The following HDAC8 variants were observed in gnomAD, a reference collection of about 807,000 sequenced individuals.
The protein encoded by HDAC8 is histone deacetylase 8.
A neutral mutation model predicts 32.2 loss-of-function variants in HDAC8; 1 was observed. That is an observed-to-expected ratio of 0.03 (90% CI 0.01 to 0.15). The LOEUF (loss-of-function observed/expected upper bound fraction) is 0.15. Among genes scored for constraint, HDAC8 ranks in the 10% least tolerant of loss-of-function variants. The pLI is 1.00. For synonymous variants in HDAC8, 108 were observed against 113.9 expected, an observed-to-expected ratio of 0.95 and a Z score of 0.33; for missense variants, 117 against 300.0, an observed-to-expected ratio of 0.39 and a Z score of 4.51.
chrX:72,554,517 GGCGGGGAGC>G (rs201516139), intron 4 of HDAC8, among the ~76,000 whole-genome samples: 2 of 73,072 alleles, frequency 2.7e-5, no homozygotes, highest in African/African-American at 1.2e-4. Context: ...GGGCGGGGAG[GGCGGGGAGC>G]GCGGGGAGCG....
At chrX:72,441,485 T>G (rs2047144037) in intron 9 of HDAC8, among the ~76,000 whole-genome samples, 1 of 111,949 alleles carries the variant, frequency 8.9e-6, no homozygotes. Flanking sequence ...TCCTGTCTGT[T>G]AGGAGGAAAA....
intron 4 of HDAC8, chrX:72,567,559 C>G: frequency 2.3e-6 from 1 of 444,047 alleles, no homozygotes; most frequent in Non-Finnish European, 3.9e-6. Context: ...TCTAGAAAGC[C>G]GAAAAGGAAT....
intron 1 of HDAC8, 53 bp downstream of exon 1, chrX:72,572,598 C>G: frequency 1.2e-5 from 7 of 583,647 alleles, no homozygotes; most frequent in South Asian, 8.6e-5. Flanking sequence ...TTTCGTCCAC[C>G]GCCCCCACCC....
At chrX:72,567,587 G>A in intron 4 of HDAC8, 1 of 501,051 alleles carries the variant, frequency 2.0e-6, no homozygotes. Flanking sequence ...CTGTCTAGTT[G>A]TATCCTTTGT....
chrX:72,449,587 G>A (rs1038846740), intron 9 of HDAC8, among the ~76,000 whole-genome samples: 3 of 110,524 alleles, frequency 2.7e-5, no homozygotes. Flanking sequence ...AAAATTAGAG[G>A]GAACAAACAG....
At chrX:72,363,840 C>T (rs1394633582) in intron 9 of HDAC8, among the ~76,000 whole-genome samples, 3 of 112,327 alleles carry the variant, frequency 2.7e-5, no homozygotes, top group African/African-American at 9.7e-5. Flanking sequence ...TCCCAAAGTG[C>T]TGGGATTACA....
intron 9 of HDAC8, among the ~76,000 whole-genome samples, chrX:72,445,365 T>C (rs1274724324): frequency 4.5e-5 from 5 of 110,537 alleles, no homozygotes; most frequent in African/African-American, 1.3e-4. Context: ...ACAGAGCCCT[T>C]AGAAATAATG....
rs1457343319 is a variant in HDAC8, at chrX:72,541,625, G to A, written c.437+26264C>T. Among the ~76,000 whole-genome samples the A allele has an allele frequency of 2.7e-5, 3 of 112,114 alleles. No individual in the cohort carries two copies. In the East Asian group the frequency reaches 8.4e-4, roughly 31 times the overall value. On this transcript the variant is annotated intron_variant, in intron 4 of 10. Transcript: ENST00000373573. ...CTGGGAGGCTGTTGCAATAATCAGT[G>A]AGAGAGGTGATCATGGTTTGTACTA...
chrX:72,445,053 A>C (rs1359514985), intron 9 of HDAC8, among the ~76,000 whole-genome samples: 11 of 108,459 alleles, frequency 1.0e-4, no homozygotes, highest in Non-Finnish European at 1.3e-4. Flanking sequence ...AAATGGAAGA[A>C]CATTCCATGC....
intron 10 of HDAC8, among the ~76,000 whole-genome samples, chrX:72,351,043 C>T (rs1236595737): frequency 1.8e-5 from 2 of 111,902 alleles, no homozygotes; most frequent in African/African-American, 6.5e-5. Context: ...AGGACTCATA[C>T]ATACTGGAAG....
chrX:72,447,272 G>A (rs1002634930), intron 9 of HDAC8, among the ~76,000 whole-genome samples: 5 of 112,137 alleles, frequency 4.5e-5, no homozygotes, highest in African/African-American at 1.6e-4. Flanking sequence ...GGGATGCAAC[G>A]CTGGTTCAGC....
chrX:72,474,746 C>T, intron 7 of HDAC8: 2 of 1,011,607 alleles, frequency 2.0e-6, no homozygotes, highest in Non-Finnish European at 2.8e-6. Context: ...AGGATAAAAG[C>T]CAGAGTGGTG....
intron 9 of HDAC8, among the ~76,000 whole-genome samples, chrX:72,413,169 A>C (rs1014399945): frequency 1.3e-4 from 14 of 109,321 alleles, no homozygotes; most frequent in African/African-American, 4.7e-4. Context: ...CACAACGTGC[A>C]GGTTAGTTAC....
chrX:72,504,003 T>G (rs1401203073), intron 4 of HDAC8, among the ~76,000 whole-genome samples: 1 of 112,300 alleles, frequency 8.9e-6, no homozygotes, highest in Non-Finnish European at 1.9e-5. Flanking sequence ...AGTAAAATCT[T>G]CTTAGCTTGA....
At chrX:72,482,548 T>C (rs1157111198) in intron 7 of HDAC8, among the ~76,000 whole-genome samples, 2 of 111,707 alleles carry the variant, frequency 1.8e-5, no homozygotes, top group African/African-American at 6.5e-5. Context: ...ATACAATGGA[T>C]TGCATATACT....
chrX:72,498,166 CA>C (rs71982796), intron 4 of HDAC8, among the ~76,000 whole-genome samples: 4,597 of 50,678 alleles, frequency 0.091, 191 homozygotes, highest in African/African-American at 0.18. Context: ...GTTAAAATGG[CA>C]AAAAAAAAAA....
intron 9 of HDAC8, among the ~76,000 whole-genome samples, chrX:72,356,359 C>T (rs1294481523): frequency 6.3e-5 from 7 of 111,050 alleles, no homozygotes; most frequent in Non-Finnish European, 1.3e-4. Context: ...CTAGGGGGCA[C>T]GGACAAGGAG....
At chrX:72,441,814 A>G (rs2047159507) in intron 9 of HDAC8, among the ~76,000 whole-genome samples, 1 of 111,784 alleles carries the variant, frequency 8.9e-6, no homozygotes, top group Non-Finnish European at 1.9e-5. Flanking sequence ...GTATAACTAG[A>G]ATAACCAATA....
intron 9 of HDAC8, among the ~76,000 whole-genome samples, chrX:72,452,154 T>G (rs1215682952): frequency 2.7e-5 from 3 of 112,619 alleles, no homozygotes; most frequent in South Asian, 3.6e-4. Flanking sequence ...TATTGTGGTG[T>G]TGTAAGATGA....
Sources: gnomAD v4.1 joint callset for allele counts (sites outside exome capture counted in the v4.1 genomes callset) on GRCh38, gnomAD v4.1.1 for gene constraint, MANE v1.5 for transcripts, NCBI Gene and HGNC (gene_info 2026-07-23, HGNC 2026-07-21) for gene names.